The following PLXDC2 variants were observed in gnomAD, a reference collection of about 807,000 sequenced individuals.
PLXDC2 encodes the protein plexin domain containing 2, also known as plexin domain-containing protein 2.
A neutral mutation model predicts 68.9 loss-of-function variants in PLXDC2; 40 were observed. The ratio of observed to expected loss-of-function variants is 0.58; its 90% CI spans 0.45 to 0.76. PLXDC2 has a LOEUF of 0.76. Ranked by LOEUF, PLXDC2 falls within the 30% of genes least tolerant of loss-of-function variation. The pLI, the probability that PLXDC2 is intolerant of heterozygous loss-of-function variation, is 0.00. For synonymous variants in PLXDC2, 243 were observed against 234.2 expected, an observed-to-expected ratio of 1.04 and a Z score of -0.34; for missense variants, 644 against 661.9, an observed-to-expected ratio of 0.97 and a Z score of 0.30.
At chr10:19,976,859 C>T (rs1461832333) in intron 1 of PLXDC2, among the ~76,000 whole-genome samples, 3 of 148,724 alleles carry the variant, frequency 2.0e-5, no homozygotes, top group African/African-American at 7.5e-5. Flanking sequence ...TTATTTTTTC[C>T]GTTTCTTCCC....
chr10:19,816,951 A>T lies in PLXDC2; in HGVS notation c.-129A>T, dbSNP rs1045024650. Reference sequence around the variant, plus strand: ...TTCCCTACTGTGAAATCGCAGCGACATTTACAAAGGCCTCCGGGTCCTACC... The same window carrying T: ...TTCCCTACTGTGAAATCGCAGCGACTTTTACAAAGGCCTCCGGGTCCTACC... On this transcript the variant is annotated 5_prime_UTR_variant, in exon 1 of 14. Coordinates refer to ENST00000377252, the MANE Select transcript of PLXDC2 (RefSeq NM_032812.9). 1.5e-6 allele frequency: 1 copy of T among 648,334 alleles called. No homozygotes were observed. Among genetic ancestry groups the T allele is most frequent in the South Asian group, 1.9e-5 (1 of 52,694 alleles). 40.2% of individuals were successfully genotyped at this position (648,334 alleles called of 1,614,324 possible). A position where few individuals can be genotyped will look rare whatever the true frequency, so the allele number is the denominator to read the frequency against.
intron 6 of PLXDC2, among the ~76,000 whole-genome samples, chr10:20,161,441 GTC>G (rs201829856): frequency 8.4e-4 from 127 of 150,304 alleles, no homozygotes; most frequent in African/African-American, 3.0e-3. Flanking sequence ...AGTTTTTCAA[GTC>G]TCTCTCTCTC....
intron 3 of PLXDC2, among the ~76,000 whole-genome samples, chr10:20,061,816 G>A (rs2131699786): frequency 6.6e-6 from 1 of 152,270 alleles, no homozygotes; most frequent in East Asian, 1.9e-4. Flanking sequence ...ATGTCTAATT[G>A]TGATACCGAT....
At chr10:19,979,313 T>C (rs1199532284) in intron 1 of PLXDC2, among the ~76,000 whole-genome samples, 3 of 152,112 alleles carry the variant, frequency 2.0e-5, no homozygotes, top group Admixed American at 6.6e-5. Context: ...AGTTTCAAAA[T>C]AATCTGAGCC....
At chr10:20,261,336 C>T (rs1156305640) in intron 13 of PLXDC2, among the ~76,000 whole-genome samples, 2 of 152,034 alleles carry the variant, frequency 1.3e-5, no homozygotes, top group East Asian at 3.9e-4. Context: ...TTGTATGTAG[C>T]CTTTTAATCC....
intron 7 of PLXDC2, among the ~76,000 whole-genome samples, chr10:20,165,931 C>A (rs1834368496): frequency 6.6e-6 from 1 of 152,098 alleles, no homozygotes; most frequent in South Asian, 2.1e-4. Context: ...GCTTTGGTGT[C>A]ATAGTACGTG....
At chr10:19,854,924 TAGAATC>T (rs977750808) in intron 1 of PLXDC2, among the ~76,000 whole-genome samples, 1 of 152,256 alleles carries the variant, frequency 6.6e-6, no homozygotes, top group African/African-American at 2.4e-5. Context: ...GTACAGTTGT[TAGAATC>T]AGCTCAGCAT....
chr10:20,222,822 TA>T (rs1004550453), intron 12 of PLXDC2, among the ~76,000 whole-genome samples: 3 of 151,168 alleles, frequency 2.0e-5, no homozygotes, highest in Admixed American at 1.3e-4. Context: ...ACCCTGTCCT[TA>T]AAAAAAAATT....
At chr10:20,156,320 T>C (rs1416687625) in intron 6 of PLXDC2, among the ~76,000 whole-genome samples, 1 of 152,234 alleles carries the variant, frequency 6.6e-6, no homozygotes, top group Non-Finnish European at 1.5e-5. Context: ...CTTTTTACTC[T>C]GTGTATGTTT....
At chr10:19,973,419 A>T (rs1167705159) in intron 1 of PLXDC2, among the ~76,000 whole-genome samples, 1 of 143,984 alleles carries the variant, frequency 6.9e-6, no homozygotes, top group Non-Finnish European at 1.5e-5. Context: ...CTTGCAATGC[A>T]CTAATTACTT....
At chr10:19,836,521 A>G (rs1836796618) in intron 1 of PLXDC2, among the ~76,000 whole-genome samples, 1 of 152,204 alleles carries the variant, frequency 6.6e-6, no homozygotes, top group African/African-American at 2.4e-5. Context: ...TGTAACCTGA[A>G]GTCCTTAAAT....
chr10:19,846,875 C>T (rs1053016239), intron 1 of PLXDC2, among the ~76,000 whole-genome samples: 1 of 152,128 alleles, frequency 6.6e-6, no homozygotes, highest in African/African-American at 2.4e-5. Context: ...AATGGACTCA[C>T]AGTTCCATAT....
chr10:19,858,365 G>A (rs1158259033), intron 1 of PLXDC2, among the ~76,000 whole-genome samples: 1 of 152,196 alleles, frequency 6.6e-6, no homozygotes, highest in Non-Finnish European at 1.5e-5. Context: ...AATCTGCAGT[G>A]TTTGGTGCAG....
chr10:20,020,956 G>A (rs1564659270), intron 2 of PLXDC2, among the ~76,000 whole-genome samples: 1 of 152,158 alleles, frequency 6.6e-6, no homozygotes, highest in East Asian at 1.9e-4. Flanking sequence ...GTAATCTGGA[G>A]CTTTTTGGAA....
chr10:20,193,329 A>G (rs1052787417), intron 9 of PLXDC2, among the ~76,000 whole-genome samples: 2 of 152,140 alleles, frequency 1.3e-5, no homozygotes, highest in Admixed American at 1.3e-4. Flanking sequence ...TCAAACATGT[A>G]ATCACAACAA....
chr10:20,238,777 T>C (rs915525423), intron 12 of PLXDC2, among the ~76,000 whole-genome samples: 1 of 148,742 alleles, frequency 6.7e-6, no homozygotes. Context: ...TTTGCTCTTA[T>C]GGTAGCTAAA....
chr10:19,940,318 G>A (rs1458970992), intron 1 of PLXDC2, among the ~76,000 whole-genome samples: 2 of 152,146 alleles, frequency 1.3e-5, no homozygotes, highest in Admixed American at 6.5e-5. Context: ...CTGCTAGGAA[G>A]TTTTAAATGC....
chr10:19,896,919 T>G (rs1040193942), intron 1 of PLXDC2, among the ~76,000 whole-genome samples: 2 of 152,212 alleles, frequency 1.3e-5, no homozygotes, highest in African/African-American at 4.8e-5. Context: ...CTTAATTTTT[T>G]GCATAGCTCT....
chr10:19,865,803 C>G (rs974905287), intron 1 of PLXDC2, among the ~76,000 whole-genome samples: 5 of 152,190 alleles, frequency 3.3e-5, no homozygotes, highest in African/African-American at 4.8e-5. Context: ...TCTGTAAGCT[C>G]TCTTTCTGGA....
Sources: gnomAD v4.1 joint callset for allele counts (sites outside exome capture counted in the v4.1 genomes callset) on GRCh38, gnomAD v4.1.1 for gene constraint, MANE v1.5 for transcripts, NCBI Gene and HGNC (gene_info 2026-07-23, HGNC 2026-07-21) for gene names.